Variants in RIC8B observed in about 807,000 individuals in gnomAD.
The protein encoded by RIC8B is RIC8 guanine nucleotide exchange factor B.
A neutral mutation model predicts 57.5 loss-of-function variants in RIC8B; 16 were observed. The ratio of observed to expected loss-of-function variants is 0.28; its 90% CI spans 0.19 to 0.42. The LOEUF (loss-of-function observed/expected upper bound fraction) is 0.42, where lower values mean the gene tolerates loss of function less well. Among genes scored for constraint, RIC8B ranks in the 10% least tolerant of loss-of-function variants. The pLI, the probability that RIC8B is intolerant of heterozygous loss-of-function variation, is 1.00. For missense variants in RIC8B, 481 were observed against 677.0 expected, an observed-to-expected ratio of 0.71 and a Z score of 3.21; for synonymous variants, 216 against 250.8, an observed-to-expected ratio of 0.86 and a Z score of 1.31.
rs560993127 is a variant in RIC8B at position 106,808,437 on chromosome 12, C to A, written c.133-6259C>A. 3.9e-5 allele frequency among the ~76,000 whole-genome samples: 6 copies of A among 152,226 alleles called. No individual in the cohort carries two copies. The South Asian group carries it at 1.2e-3, about 32-fold the overall frequency. ...ACCTTATATGGTTGAAGAAAACTTA[C>A]AAAGGATAAGAAATGTGGTCTAGAA... On this transcript the variant is annotated intron_variant, in intron 2 of 9. Coordinates refer to ENST00000392837, the MANE Select transcript of RIC8B (RefSeq NM_001330145.2).
At chr12:106,870,987 C>T (rs1373276366) in intron 9 of RIC8B, 45 bp downstream of exon 9, 3 of 1,530,176 alleles carry the variant, frequency 2.0e-6, no homozygotes, top group South Asian at 1.2e-5. Flanking sequence ...TAAAAATGGT[C>T]TATTTCTTTG....
intron 4 of RIC8B, among the ~76,000 whole-genome samples, chr12:106,840,175 G>A (rs1234902052): frequency 6.6e-6 from 1 of 152,194 alleles, no homozygotes; most frequent in Non-Finnish European, 1.5e-5. Context: ...ATGGATCTAC[G>A]TGTGCCATAT....
chr12:106,800,301 C>T (rs1043522508), intron 2 of RIC8B, among the ~76,000 whole-genome samples: 1 of 152,142 alleles, frequency 6.6e-6, no homozygotes, highest in Admixed American at 6.5e-5. Context: ...GAAGCTTTTA[C>T]TCATGGCAGA....
intron 4 of RIC8B, among the ~76,000 whole-genome samples, chr12:106,834,036 A>G (rs553044918): frequency 2.0e-5 from 3 of 152,186 alleles, no homozygotes; most frequent in Non-Finnish European, 2.9e-5. Flanking sequence ...AGCCAGTAAG[A>G]TACAAGTGCT....
intron 2 of RIC8B, among the ~76,000 whole-genome samples, chr12:106,798,919 C>T (rs1475031109): frequency 6.6e-6 from 1 of 152,188 alleles, no homozygotes; most frequent in Non-Finnish European, 1.5e-5. Context: ...TACATAGTTT[C>T]AACCTCCCTA....
rs187616827 is a variant in RIC8B, at chr12:106,774,859, A to G, written c.84+30A>G. On this transcript the variant is annotated intron_variant, in intron 1 of 9. Coordinates refer to ENST00000392837, the MANE Select transcript of RIC8B (RefSeq NM_001330145.2). ...AGAGTCCTGGCCCCGGGCGTGCGGT[A>G]TCGCACCCCCGGGCCGCCCTCCGTG... The G allele has an allele frequency of 3.1e-4, 463 of 1,512,172 alleles. 5 individuals are homozygous for G. The highest frequency in any genetic ancestry group is 1.4e-5 in the African/African-American group (1 of 71,650). The allele number at this position is 1,512,172 out of a possible 1,614,324, so 93.7% of individuals were successfully genotyped here.
chr12:106,809,504 C>T (rs1447513041), intron 2 of RIC8B, among the ~76,000 whole-genome samples: 1 of 120,374 alleles, frequency 8.3e-6, no homozygotes, highest in African/African-American at 3.3e-5. Flanking sequence ...GCCTGGGAGA[C>T]AGAGAAGACT....
intron 6 of RIC8B, among the ~76,000 whole-genome samples, chr12:106,849,946 G>GCAGGGGTCCCCAACCC (rs1555259684): frequency 2.6e-5 from 4 of 152,174 alleles, no homozygotes; most frequent in African/African-American, 9.7e-5. Flanking sequence ...ATAATTTAGG[G>GCAGGGGTCCCCAACCC]CAGGGGTCCC....
intron 4 of RIC8B, among the ~76,000 whole-genome samples, chr12:106,840,342 T>C (rs2046811488): frequency 6.6e-6 from 1 of 152,168 alleles, no homozygotes; most frequent in Non-Finnish European, 1.5e-5. Flanking sequence ...AGGAGGGGGC[T>C]GGGAGCATGA....
intron 1 of RIC8B, among the ~76,000 whole-genome samples, chr12:106,777,571 A>G (rs2043551993): frequency 1.3e-5 from 2 of 152,134 alleles, no homozygotes; most frequent in Admixed American, 1.3e-4. Flanking sequence ...GAGGTTCTTT[A>G]TGCTACCTTA....
At chr12:106,832,469 A>G (rs1264256105) in intron 4 of RIC8B, among the ~76,000 whole-genome samples, 2 of 151,870 alleles carry the variant, frequency 1.3e-5, no homozygotes, top group Non-Finnish European at 2.9e-5. Context: ...CAGGAGGCTG[A>G]GGCCGGAGAA....
intron 1 of RIC8B, among the ~76,000 whole-genome samples, chr12:106,779,101 C>T (rs761555686): frequency 3.3e-5 from 5 of 152,100 alleles, no homozygotes; most frequent in Non-Finnish European, 7.4e-5. Flanking sequence ...TTAGTAGAGA[C>T]GGGGTTTCAC....
chr12:106,881,716 T>C (rs1950942293), intron 9 of RIC8B, among the ~76,000 whole-genome samples: 1 of 152,148 alleles, frequency 6.6e-6, no homozygotes, highest in South Asian at 2.1e-4. Context: ...AACCAGGTCA[T>C]TTACCAAGCC....
At chr12:106,842,919 C>A in intron 5 of RIC8B, 102 bp downstream of exon 5, 1 of 693,502 alleles carries the variant, frequency 1.4e-6, no homozygotes, top group Non-Finnish European at 2.4e-6. Context: ...TAAATCTAAG[C>A]TTTTTTTCTG....
intron 2 of RIC8B, 105 bp from the exon 3 acceptor site, chr12:106,814,589 TTC>T: frequency 8.4e-7 from 1 of 1,191,770 alleles, no homozygotes. Flanking sequence ...TAAAAACCTT[TTC>T]TCTCTGGATT....
intron 6 of RIC8B, among the ~76,000 whole-genome samples, chr12:106,849,562 A>G (rs935149225): frequency 6.6e-6 from 1 of 152,110 alleles, no homozygotes; most frequent in South Asian, 2.1e-4. Flanking sequence ...GGGTCCCACC[A>G]AGACTTAACT....
intron 2 of RIC8B, among the ~76,000 whole-genome samples, chr12:106,795,605 C>T (rs899916710): frequency 1.3e-5 from 2 of 152,112 alleles, no homozygotes; most frequent in Admixed American, 1.3e-4. Context: ...TTGGCCAGCA[C>T]TGTCTTGTCT....
intron 2 of RIC8B, among the ~76,000 whole-genome samples, chr12:106,808,781 A>G (rs1013132142): frequency 6.6e-6 from 1 of 152,182 alleles, no homozygotes; most frequent in Non-Finnish European, 1.5e-5. Flanking sequence ...TAGTAGATGA[A>G]CTGTGGTATC....
chr12:106,804,505 G>T (rs941710216), intron 2 of RIC8B, among the ~76,000 whole-genome samples: 4 of 152,176 alleles, frequency 2.6e-5, no homozygotes, highest in Non-Finnish European at 5.9e-5. Flanking sequence ...ACCATGCCTA[G>T]GCTGAAGTAG....
Sources: gnomAD v4.1 joint callset for allele counts (sites outside exome capture counted in the v4.1 genomes callset) on GRCh38, gnomAD v4.1.1 for gene constraint, MANE v1.5 for transcripts, NCBI Gene and HGNC (gene_info 2026-07-23, HGNC 2026-07-21) for gene names.